The following INPP4B variants were observed in gnomAD, a reference collection of about 807,000 sequenced individuals.
INPP4B encodes the protein inositol polyphosphate 4-phosphatase type II.
A neutral mutation model predicts 122.5 loss-of-function variants in INPP4B; 55 were observed. The observed-to-expected ratio is 0.45, with a 90% CI of 0.36 to 0.56. INPP4B has a LOEUF of 0.56. INPP4B is among the 20% of genes least tolerant of loss of function. The pLI is 0.00. For synonymous variants in INPP4B, 403 were observed against 388.7 expected (o/e 1.04, Z -0.43); for missense variants, 1,000 against 1,097.7 (o/e 0.91, Z 1.26).
chr4:142,259,633 T>A (rs1738672273), intron 11 of INPP4B, among the ~76,000 whole-genome samples: 1 of 151,726 alleles, frequency 6.6e-6, no homozygotes, highest in South Asian at 2.1e-4. Context: ...TTACTATAAC[T>A]TTTTTACTTT....
At chr4:142,222,507 T>C (rs1849765732) in intron 12 of INPP4B, among the ~76,000 whole-genome samples, 1 of 152,238 alleles carries the variant, frequency 6.6e-6, no homozygotes, top group South Asian at 2.1e-4. Flanking sequence ...TCCCATTTTC[T>C]AAATGTAATC....
At chr4:142,177,913 T>A (rs1360752108) in intron 15 of INPP4B, among the ~76,000 whole-genome samples, 1 of 152,148 alleles carries the variant, frequency 6.6e-6, no homozygotes, top group Non-Finnish European at 1.5e-5. Flanking sequence ...TATTTTCCTA[T>A]CCTCTTGCTC....
chr4:142,422,430 A>T (rs1205863390), intron 5 of INPP4B, among the ~76,000 whole-genome samples: 1 of 152,080 alleles, frequency 6.6e-6, no homozygotes, highest in Non-Finnish European at 1.5e-5. Context: ...AGGGCTTTGA[A>T]CAATGACTTG....
At chr4:142,562,349 C>T (rs1442287476) in intron 2 of INPP4B, among the ~76,000 whole-genome samples, 1 of 152,136 alleles carries the variant, frequency 6.6e-6, no homozygotes, top group Non-Finnish European at 1.5e-5. Context: ...GTTCAATTTC[C>T]AGTCACATCA....
At chr4:142,659,007 A>G (rs1465179137) in intron 2 of INPP4B, among the ~76,000 whole-genome samples, 2 of 152,228 alleles carry the variant, frequency 1.3e-5, no homozygotes, top group African/African-American at 4.8e-5. Context: ...GTATGTAGAA[A>G]TAATCATTCT....
At chr4:142,738,608 T>TAAAAA (rs1456451302) in intron 1 of INPP4B, among the ~76,000 whole-genome samples, 2 of 135,338 alleles carry the variant, frequency 1.5e-5, no homozygotes, top group Admixed American at 7.2e-5. Flanking sequence ...TAAAGTATAA[T>TAAAAA]AAAAACAAAA....
At chr4:142,606,835 T>G (rs1741373652) in intron 2 of INPP4B, among the ~76,000 whole-genome samples, 1 of 152,028 alleles carries the variant, frequency 6.6e-6, no homozygotes. Context: ...GGTGCATATA[T>G]GTCTTTTAAG....
chr4:142,527,682 A>G (rs566074373), intron 2 of INPP4B, among the ~76,000 whole-genome samples: 2 of 152,190 alleles, frequency 1.3e-5, no homozygotes, highest in South Asian at 4.1e-4. Context: ...TAGGAAATTA[A>G]CAATTCATCT....
Position 142,129,570 on chromosome 4 carries a change from T to C in INPP4B, c.1721-4810A>G, listed in dbSNP as rs1283062011. On this transcript the variant is annotated intron_variant, in intron 18 of 25. Coordinates refer to ENST00000262992, the MANE Select transcript of INPP4B (RefSeq NM_001101669.3). ...CATCTGCCCATAGGAGGCCTCTAAA[T>C]ACCTGGACATATCCTAGGGGCACAG... Among the ~76,000 whole-genome samples, 4 of 152,258 alleles carry C rather than the reference T, an allele frequency of 2.6e-5. No individual in the cohort carries two copies. The East Asian group carries it at 7.7e-4, about 29-fold the overall frequency.
chr4:142,307,286 A>G (rs1763762255), intron 8 of INPP4B, among the ~76,000 whole-genome samples: 1 of 151,628 alleles, frequency 6.6e-6, no homozygotes, highest in African/African-American at 2.4e-5. Flanking sequence ...ACGAAAGCAC[A>G]CTCCCCTCCC....
intron 2 of INPP4B, among the ~76,000 whole-genome samples, chr4:142,585,823 T>C (rs1422675624): frequency 1.3e-5 from 2 of 148,416 alleles, no homozygotes; most frequent in African/African-American, 5.0e-5. Context: ...ATGACTATCC[T>C]CAAAAAAAAT....
chr4:142,253,705 C>A (rs547502964), intron 11 of INPP4B, among the ~76,000 whole-genome samples: 4 of 152,194 alleles, frequency 2.6e-5, no homozygotes, highest in Non-Finnish European at 4.4e-5. Context: ...GAGGGTCCTA[C>A]GCCCACGGAG....
intron 2 of INPP4B, among the ~76,000 whole-genome samples, chr4:142,691,315 C>T (rs1404093697): frequency 1.3e-5 from 2 of 151,328 alleles, no homozygotes; most frequent in East Asian, 1.9e-4. Context: ...TCCAAAATGC[C>T]GACAAGGGCA....
At chr4:142,767,421 C>T (rs1772322401) in intron 1 of INPP4B, among the ~76,000 whole-genome samples, 1 of 152,150 alleles carries the variant, frequency 6.6e-6, no homozygotes, top group Non-Finnish European at 1.5e-5. Flanking sequence ...CTGTTATAAA[C>T]CTCATTGAGC....
intron 1 of INPP4B, among the ~76,000 whole-genome samples, chr4:142,783,750 T>C (rs1471995578): frequency 6.6e-6 from 1 of 152,138 alleles, no homozygotes; most frequent in South Asian, 2.1e-4. Context: ...TCATGTAGCG[T>C]ATTACTTGCT....
At chr4:142,728,459 C>A in intron 1 of INPP4B, among the ~76,000 whole-genome samples, 1 of 152,110 alleles carries the variant, frequency 6.6e-6, no homozygotes, top group Non-Finnish European at 1.5e-5. Context: ...TGAATATGAT[C>A]TTATTCAGAA....
chr4:142,089,567 G>A (rs1778518906), intron 23 of INPP4B, among the ~76,000 whole-genome samples: 1 of 151,390 alleles, frequency 6.6e-6, no homozygotes, highest in Admixed American at 6.6e-5. Flanking sequence ...TAATGGATAT[G>A]TATCATACAT....
intron 5 of INPP4B, among the ~76,000 whole-genome samples, chr4:142,409,542 G>A (rs886295643): frequency 6.7e-5 from 10 of 148,984 alleles, no homozygotes; most frequent in East Asian, 1.9e-4. Context: ...CAATATCTCC[G>A]GTGACTGAGA....
At chr4:142,257,639 A>T (rs1356840032) in intron 11 of INPP4B, among the ~76,000 whole-genome samples, 1 of 152,220 alleles carries the variant, frequency 6.6e-6, no homozygotes, top group Non-Finnish European at 1.5e-5. Flanking sequence ...CTAGGAATCC[A>T]ACTTACAAGG....
Sources: allele counts gnomAD v4.1 joint callset (sites outside exome capture counted in the v4.1 genomes callset), GRCh38; gene constraint gnomAD v4.1.1; transcripts MANE v1.5; gene names NCBI Gene and HGNC (gene_info 2026-07-23, HGNC 2026-07-21).